The following STAU2 variants were observed in gnomAD, a reference collection of about 807,000 sequenced individuals.
STAU2 encodes the protein staufen double-stranded RNA binding protein 2, also known as double-stranded RNA-binding protein Staufen homolog 2.
Under a neutral mutation model 65.9 loss-of-function variants are expected in STAU2, and 20 were observed. The observed-to-expected ratio is 0.30, with a 90% CI of 0.21 to 0.44. The LOEUF (loss-of-function observed/expected upper bound fraction) is 0.44, where lower values mean the gene tolerates loss of function less well. Among genes scored for constraint, STAU2 ranks in the 20% least tolerant of loss-of-function variants. The pLI is 1.00. For missense variants in STAU2, 558 were observed against 683.9 expected (o/e 0.82, Z 2.05); for synonymous variants, 232 against 233.9 (o/e 0.99, Z 0.07).
At chr8:73,452,299 A>T (rs1281425177) in intron 13 of STAU2, among the ~76,000 whole-genome samples, 1 of 152,064 alleles carries the variant, frequency 6.6e-6, no homozygotes, top group Non-Finnish European at 1.5e-5. Context: ...TTCGCTGCAC[A>T]CTTGCTCTGA....
chr8:73,677,729 T>A (rs1451013942), intron 5 of STAU2, among the ~76,000 whole-genome samples: 2 of 152,186 alleles, frequency 1.3e-5, no homozygotes, highest in Non-Finnish European at 2.9e-5. Flanking sequence ...GTTCACAGCA[T>A]AAAAATTCAT....
At chr8:73,744,600 T>C (rs1195779782) in intron 1 of STAU2, among the ~76,000 whole-genome samples, 1 of 152,218 alleles carries the variant, frequency 6.6e-6, no homozygotes, top group Non-Finnish European at 1.5e-5. Context: ...TTAGATTTTT[T>C]TTATATTCAT....
chr8:73,649,371 C>T (rs1290705981), intron 6 of STAU2, among the ~76,000 whole-genome samples: 1 of 152,168 alleles, frequency 6.6e-6, no homozygotes, highest in Non-Finnish European at 1.5e-5. Context: ...TTGACTAACA[C>T]TGCTCCCCAT....
intron 6 of STAU2, among the ~76,000 whole-genome samples, chr8:73,667,997 TG>T: frequency 6.6e-6 from 1 of 152,188 alleles, no homozygotes; most frequent in Non-Finnish European, 1.5e-5. Context: ...GTAGTTTGGA[TG>T]GGGCTAACCT....
At chr8:73,473,974 A>G (rs1281624717) in intron 13 of STAU2, among the ~76,000 whole-genome samples, 7 of 152,170 alleles carry the variant, frequency 4.6e-5, no homozygotes, top group Non-Finnish European at 1.0e-4. Flanking sequence ...GCGCTTTGCA[A>G]ATGAGAATGT....
chr8:73,718,232 A>G (rs958035550), intron 3 of STAU2, among the ~76,000 whole-genome samples: 1 of 152,182 alleles, frequency 6.6e-6, no homozygotes, highest in African/African-American at 2.4e-5. Flanking sequence ...TTAACATTGA[A>G]CTCATGTCCA....
chr8:73,633,728 C>T (rs996040987), intron 6 of STAU2, among the ~76,000 whole-genome samples: 1 of 152,132 alleles, frequency 6.6e-6, no homozygotes, highest in African/African-American at 2.4e-5. Flanking sequence ...TGCTTGTAAT[C>T]CCAACACTTT....
intron 13 of STAU2, among the ~76,000 whole-genome samples, chr8:73,426,037 C>T (rs1280077414): frequency 2.6e-5 from 4 of 152,228 alleles, no homozygotes; most frequent in African/African-American, 9.6e-5. Flanking sequence ...AAGTGATCCA[C>T]CTGCCCCAGC....
At chr8:73,435,103 T>C (rs574855231) in intron 13 of STAU2, among the ~76,000 whole-genome samples, 6 of 151,772 alleles carry the variant, frequency 4.0e-5, no homozygotes, top group African/African-American at 1.2e-4. Context: ...ATGCCCCCCC[T>C]GGACCTTCTG....
intron 6 of STAU2, among the ~76,000 whole-genome samples, chr8:73,656,041 C>A (rs532584392): frequency 1.3e-5 from 2 of 152,226 alleles, no homozygotes; most frequent in East Asian, 3.9e-4. Flanking sequence ...CCTCAGTCTC[C>A]CGAAGTGCTG....
chr8:73,536,338 G>A (rs1008718565), intron 13 of STAU2, among the ~76,000 whole-genome samples: 6 of 152,084 alleles, frequency 3.9e-5, no homozygotes, highest in African/African-American at 1.4e-4. Context: ...ATGGGTACAG[G>A]TGGGGAAAAA....
intron 13 of STAU2, among the ~76,000 whole-genome samples, chr8:73,446,210 C>A (rs1364310292): frequency 2.0e-5 from 3 of 152,076 alleles, no homozygotes; most frequent in African/African-American, 4.8e-5. Context: ...ATTATGATTC[C>A]ATTTATGTAA....
At chr8:73,660,470 C>T (rs1029345833) in intron 6 of STAU2, among the ~76,000 whole-genome samples, 2 of 152,144 alleles carry the variant, frequency 1.3e-5, no homozygotes, top group African/African-American at 4.8e-5. Context: ...TGCCTGGCTG[C>T]CTCTAAAAAC....
At chr8:73,519,340 C>A (rs1021990980) in intron 13 of STAU2, among the ~76,000 whole-genome samples, 3 of 152,188 alleles carry the variant, frequency 2.0e-5, no homozygotes, top group Admixed American at 2.0e-4. Context: ...AAACCTATGA[C>A]GTCTCTTTAG....
chr8:73,458,884 T>G (rs1819206677), intron 13 of STAU2: 1 of 152,248 alleles, frequency 6.6e-6, no homozygotes, highest in Non-Finnish European at 1.5e-5. Context: ...CATCCGATCC[T>G]AGTCAGGGTA....
At chr8:73,730,728 CA>C (rs60034849) in intron 3 of STAU2, among the ~76,000 whole-genome samples, 17,694 of 82,452 alleles carry the variant, frequency 0.21, 764 homozygotes, top group East Asian at 0.35. Context: ...CTACGTCTTT[CA>C]AAAAAAAAAA....
intron 13 of STAU2, among the ~76,000 whole-genome samples, chr8:73,502,278 T>C (rs1366106829): frequency 6.6e-6 from 1 of 151,906 alleles, no homozygotes; most frequent in East Asian, 1.9e-4. Context: ...GAAAAAAAAT[T>C]CCTCATAAGA....
chr8:73,635,855 G>A (rs1814453240), intron 6 of STAU2, among the ~76,000 whole-genome samples: 1 of 144,634 alleles, frequency 6.9e-6, no homozygotes, highest in African/African-American at 2.6e-5. Flanking sequence ...GGAGAGAGAG[G>A]GAGCTTCATA....
chr8:73,473,013 TTTAAG>T (rs1820117716), intron 13 of STAU2, among the ~76,000 whole-genome samples: 1 of 152,176 alleles, frequency 6.6e-6, no homozygotes, highest in South Asian at 2.1e-4. Context: ...TTTTCCCAGT[TTTAAG>T]TTATTTCAGA....
Sources: gnomAD v4.1 joint callset for allele counts (sites outside exome capture counted in the v4.1 genomes callset) on GRCh38, gnomAD v4.1.1 for gene constraint, MANE v1.5 for transcripts, NCBI Gene and HGNC (gene_info 2026-07-23, HGNC 2026-07-21) for gene names.